DYNC2H1: variants seen among roughly 807,000 people sequenced by gnomAD.
The protein encoded by DYNC2H1 is cytoplasmic dynein 2 heavy chain 1.
Under a neutral mutation model 570.0 loss-of-function variants are expected in DYNC2H1, and 410 were observed. That is an observed-to-expected ratio of 0.72 (90% CI 0.66 to 0.78). DYNC2H1 has a LOEUF of 0.78. Among genes scored for constraint, DYNC2H1 ranks in the 30% least tolerant of loss-of-function variants. The probability of loss-of-function intolerance (pLI) is 0.00; values close to 1 mark genes in which losing one functional copy is unlikely to be tolerated. For synonymous variants in DYNC2H1, 1,688 were observed against 1,677.6 expected (o/e 1.01, Z -0.15); for missense variants, 4,865 against 5,046.4 (o/e 0.96, Z 1.09).
Position 103,199,615 on chromosome 11 carries a change from A to G in DYNC2H1, c.8088+139A>G, listed in dbSNP as rs1203293082. On this transcript the variant is annotated intron_variant, in intron 49 of 88. Transcript: ENST00000375735. This position sits in a 1 kb window ranked among gnomAD's most constrained non-coding sequence, Gnocchi z 4.6. The stretch of plus-strand genomic sequence containing the variant: ...AAAGAACTAAAGTTCTCTGTTATAC[A>G]ATGTAGTCTTTATTTTAATTTAGAT... The G allele has an allele frequency of 2.6e-6, 2 of 755,846 alleles. No homozygotes were observed. The highest frequency in any genetic ancestry group is 3.8e-6 in the Non-Finnish European group (2 of 530,662). 46.8% of individuals were successfully genotyped at this position (755,846 alleles called of 1,614,324 possible).
chr11:103,426,553 C>G (rs1227693534), intron 84 of DYNC2H1, among the ~76,000 whole-genome samples: 2 of 152,166 alleles, frequency 1.3e-5, no homozygotes, highest in Non-Finnish European at 2.9e-5. Context: ...AGTTTAAATA[C>G]TATTTAGACC....
chr11:103,259,791 T>A, intron 69 of DYNC2H1, 97 bp from the exon 70 acceptor site: 1 of 751,792 alleles, frequency 1.3e-6, no homozygotes, highest in Non-Finnish European at 2.1e-6. Context: ...TAAAGATACT[T>A]GTTTCAGAAT....
chr11:103,377,370 C>CT (rs374557742), intron 83 of DYNC2H1, among the ~76,000 whole-genome samples: 2 of 151,886 alleles, frequency 1.3e-5, no homozygotes, highest in African/African-American at 4.8e-5. Context: ...TTCAGAGACT[C>CT]TTTTTTTCTG....
intron 65 of DYNC2H1, among the ~76,000 whole-genome samples, chr11:103,250,153 T>C (rs1050909824): frequency 6.6e-6 from 1 of 151,980 alleles, no homozygotes; most frequent in Non-Finnish European, 1.5e-5. Flanking sequence ...AGTCGTATTT[T>C]TTTAGGTGAT....
chr11:103,290,724 G>A (rs1866559631), intron 75 of DYNC2H1, among the ~76,000 whole-genome samples: 1 of 151,796 alleles, frequency 6.6e-6, no homozygotes, highest in African/African-American at 2.4e-5. Context: ...TTGTGTCTTT[G>A]TCTCTCTCTT....
Position 103,442,592 on chromosome 11 carries a change from A to G in DYNC2H1, c.12456+6560A>G, listed in dbSNP as rs542601596. Among the ~76,000 whole-genome samples, 38 of 152,274 alleles carry G rather than the reference A, an allele frequency of 2.5e-4. No individual in the cohort carries two copies. In the South Asian group the frequency reaches 7.2e-3, roughly 29 times the overall value. ...TACTCTATGGTCTACAATGATATGCAGTTTTACAGAAGCAATCTTACAAAA... is the reference window on the plus strand; with the variant it reads ...TACTCTATGGTCTACAATGATATGCGGTTTTACAGAAGCAATCTTACAAAA... On this transcript the variant is annotated intron_variant, in intron 85 of 88. Transcript: ENST00000375735.
At position 103,286,322 on chromosome 11, in the gene DYNC2H1, A is replaced by G; in HGVS notation, c.10958A>G (p.Asn3653Ser). The G allele has an allele frequency of 6.2e-7, 1 of 1,613,826 alleles. No homozygotes were observed. The highest frequency in any genetic ancestry group is 1.1e-5 in the South Asian group (1 of 91,056). ...GCAGCTCTGTGGCGTACTTATTATAATAATTCAATGTGTGAGCAAGAGTTT... is the reference window on the plus strand; with the variant it reads ...GCAGCTCTGTGGCGTACTTATTATAGTAATTCAATGTGTGAGCAAGAGTTT... ...EDAALWRTYY[N>S]NSMCEQEFPS... Residue 3653 changes from asparagine to serine, a missense_variant, in exon 74 of 89, where the codon AAT (asparagine) becomes AGT (serine). Asn to Ser is a conservative substitution (Grantham distance 46, BLOSUM62 1). Coordinates refer to ENST00000375735, the MANE Select transcript of DYNC2H1 (RefSeq NM_001377.3).
At chr11:103,175,875 T>C (rs1481188708) in intron 36 of DYNC2H1, among the ~76,000 whole-genome samples, 1 of 152,196 alleles carries the variant, frequency 6.6e-6, no homozygotes, top group Admixed American at 6.6e-5. Flanking sequence ...GGAATAACAA[T>C]AGTAATACTT....
rs1864489697 is a variant in DYNC2H1 at position 103,243,296 on chromosome 11, GA to G, written c.9820-396del. Among the ~76,000 whole-genome samples the G allele has an allele frequency of 7.8e-6, 1 of 128,142 alleles. No homozygotes were observed. Among genetic ancestry groups the G allele is most frequent in the Non-Finnish European group, 1.7e-5 (1 of 58,800 alleles). The allele number at this position is 128,142 out of a possible 152,430, so 84.1% of individuals were successfully genotyped here. On this transcript the variant is annotated intron_variant, in intron 63 of 88. Coordinates refer to ENST00000375735, the MANE Select transcript of DYNC2H1 (RefSeq NM_001377.3). The surrounding 1 kb of genome is among the most constrained non-coding windows in gnomAD (Gnocchi z 4.8). ...AGATAGATAGATAGATAGATAGATA[GA>G]TAGATAGATAAATAGAGAATAATTT...
chr11:103,235,751 C>A lies in DYNC2H1; in HGVS notation c.9647C>A (p.Ala3216Asp). 1.2e-6 allele frequency: 2 copies of A among 1,611,834 alleles called. No individual in the cohort carries two copies. Among genetic ancestry groups the A allele is most frequent in the Non-Finnish European group, 1.7e-6 (2 of 1,178,572 alleles). The change falls in exon 62 of 89, where the codon GCT becomes GAT. Residue 3216 changes from alanine to aspartate, a missense_variant. Physicochemically the swap from Ala to Asp is moderately radical, Grantham distance 126. Transcript: ENST00000375735. The part of the protein sequence containing the change: ...LAAAFITYLS[A>D]APESLRKTCL... The stretch of plus-strand genomic sequence containing the variant: ...GCTGCATTTATTACATATCTTTCTG[C>A]TGCTCCTGAATCTCTGAGAAAAACC...
chr11:103,109,601 G>T lies in DYNC2H1; in HGVS notation c.27G>T (p.Arg9=), dbSNP rs113537035. ...TGGCGAACGGGACTGCGGACGTTCG[G>T]AAGCTCTTCATCTTCACTACTACCC... MANGTADV[R]KLFIFTTTQN... The change falls in exon 1 of 89, where the codon CGG becomes CGT. Residue 9 remains arginine, a synonymous_variant. Transcript: ENST00000375735. 1.0e-3 allele frequency: 1,608 copies of T among 1,613,846 alleles called. 16 individuals are homozygous for T. The African/African-American group carries it at 0.019, about 19-fold the overall frequency.
At position 103,156,741 on chromosome 11, in the gene DYNC2H1, A is replaced by C. The variant is rs765172649; in HGVS notation, c.4098A>C (p.Thr1366=). The change falls in exon 26 of 89, where the codon ACA becomes ACC. Residue 1366 remains threonine (T), a synonymous_variant. Transcript: ENST00000375735. ...GTGGAGCATTGCCAAAAGAACAGACACGCTTCAACAGAGTTGATGAAGATT... is the reference window on the plus strand; with the variant it reads ...GTGGAGCATTGCCAAAAGAACAGACCCGCTTCAACAGAGTTGATGAAGATT... ...FGRGALPKEQ[T]RFNRVDEDFR... 1.9e-6 allele frequency: 3 copies of C among 1,612,296 alleles called. No homozygotes were observed. The East Asian group carries it at 6.7e-5, about 36-fold the overall frequency.
intron 63 of DYNC2H1, among the ~76,000 whole-genome samples, chr11:103,242,758 G>T (rs1179294884): frequency 6.6e-6 from 1 of 151,988 alleles, no homozygotes; most frequent in Admixed American, 6.6e-5. Context: ...TGGAGTCTCT[G>T]TCGCCAGGCT....
chr11:103,259,835 T>C (rs1865198094), intron 69 of DYNC2H1, 53 bp from the exon 70 acceptor site: 1 of 1,241,198 alleles, frequency 8.1e-7, no homozygotes, highest in Non-Finnish European at 1.1e-6. Context: ...TTTATAGGCG[T>C]ACTTTTTAAA....
Position 103,147,810 on chromosome 11 carries a change from C to A in DYNC2H1, c.2741C>A (p.Pro914His). 1 of 1,611,150 alleles carries A rather than the reference C, an allele frequency of 6.2e-7. No homozygotes were observed. The highest frequency in any genetic ancestry group is 1.1e-5 in the South Asian group (1 of 90,488). Residue 914 changes from proline to histidine, a missense_variant, in exon 19 of 89, where the codon CCT becomes CAT. Physicochemically the swap from Pro to His is moderately conservative, Grantham distance 77. Around this residue, in one of 5 missense-constraint regions of DYNC2H1, gnomAD observed 1,936 missense variants for 1,962.1 expected, o/e 0.99. Coordinates refer to ENST00000375735, the MANE Select transcript of DYNC2H1 (RefSeq NM_001377.3). ...KVDCLNINCN[P>H]VKTVIDDLIQ... The stretch of plus-strand genomic sequence containing the variant: ...GATTGTTTAAATATTAATTGCAACC[C>A]TGTGAAGACTGTGATTGATGATCTC...
At position 103,287,538 on chromosome 11, in the gene DYNC2H1, T is replaced by TG; in HGVS notation, c.11029dup (p.Val3677GlyfsTer20). ...ATTCTGCATTTTATTTTAAGATTCT[T>TG]GTAGTACAGGCGCTAAGACCGGACA... is the stretch of plus-strand genomic sequence containing the variant. On this transcript the variant is annotated frameshift_variant, in exon 75 of 89. Coordinates refer to ENST00000375735, the MANE Select transcript of DYNC2H1 (RefSeq NM_001377.3). LOFTEE classifies it high-confidence loss of function. 1.2e-6 allele frequency: 2 copies of TG among 1,607,564 alleles called. No homozygotes were observed. Among genetic ancestry groups the TG allele is most frequent in the Non-Finnish European group, 1.7e-6 (2 of 1,177,052 alleles).
chr11:103,433,393 A>G (rs1242630287), intron 84 of DYNC2H1, among the ~76,000 whole-genome samples: 1 of 152,148 alleles, frequency 6.6e-6, no homozygotes, highest in Admixed American at 6.6e-5. Context: ...TTAACCATCT[A>G]TAGATGAATA....
At position 103,120,500 on chromosome 11, in the gene DYNC2H1, T is replaced by C. The variant is rs1043286031; in HGVS notation, c.1053T>C (p.Ser351=). 1 of 1,613,120 alleles carries C rather than the reference T, an allele frequency of 6.2e-7. No individual in the cohort carries two copies. Among genetic ancestry groups the C allele is most frequent in the African/African-American group, 1.3e-5 (1 of 75,030 alleles). Residue 351 remains serine, a synonymous_variant, in exon 7 of 89, where the codon AGT becomes AGC. Coordinates refer to ENST00000375735, the MANE Select transcript of DYNC2H1 (RefSeq NM_001377.3). ...HEKFLYFLPA[S]EEKIICLTRV... is the part of the protein sequence containing the mutation. ...AGTTTCTCTATTTTCTACCTGCCAG[T>C]GAAGAGAAAATCATATGCCTCACTC...
intron 15 of DYNC2H1, among the ~76,000 whole-genome samples, chr11:103,135,170 C>A (rs981788135): frequency 6.6e-6 from 1 of 151,878 alleles, no homozygotes; most frequent in South Asian, 2.1e-4. Flanking sequence ...GAAAAAGGAC[C>A]AAGAAGTTCA....
Sources: gnomAD v4.1 joint callset for allele counts (sites outside exome capture counted in the v4.1 genomes callset) on GRCh38, gnomAD v4.1.1 for gene constraint, gnomAD v4.1.1 regional missense constraint, Gnocchi (gnomAD v3.1) non-coding constraint, MANE v1.5 for transcripts, NCBI Gene and HGNC (gene_info 2026-07-23, HGNC 2026-07-21) for gene names.